Variants in TSPAN5 observed in about 807,000 individuals in gnomAD.
The protein encoded by TSPAN5 is tetraspanin 5.
A neutral mutation model predicts 37.1 loss-of-function variants in TSPAN5; 10 were observed. The ratio of observed to expected loss-of-function variants is 0.27; its 90% CI spans 0.17 to 0.46. The LOEUF (loss-of-function observed/expected upper bound fraction) is 0.46, where lower values mean the gene tolerates loss of function less well. Among genes scored for constraint, TSPAN5 ranks in the 20% least tolerant of loss-of-function variants. TSPAN5 has a pLI of 1.00. For synonymous variants in TSPAN5, 110 were observed against 118.9 expected (o/e 0.93, Z 0.48); for missense variants, 195 against 326.6 (o/e 0.60, Z 3.11).
At chr4:98,647,631 T>C (rs993629123) in intron 1 of TSPAN5, among the ~76,000 whole-genome samples, 2 of 152,142 alleles carry the variant, frequency 1.3e-5, no homozygotes, top group Admixed American at 6.5e-5. Context: ...GAACATCACT[T>C]TTCCCTTCCA....
At chr4:98,540,588 TC>T (rs1400896465) in intron 1 of TSPAN5, among the ~76,000 whole-genome samples, 2 of 152,190 alleles carry the variant, frequency 1.3e-5, no homozygotes, top group African/African-American at 4.8e-5. Context: ...TCTGCCTGCT[TC>T]AGCCTCCCAA....
intron 1 of TSPAN5, among the ~76,000 whole-genome samples, chr4:98,642,626 A>G (rs373993655): frequency 6.6e-4 from 100 of 152,236 alleles, no homozygotes; most frequent in African/African-American, 2.2e-3. Context: ...ACATATCTAC[A>G]GTCCCACACT....
At chr4:98,528,559 A>G (rs1754013129) in intron 1 of TSPAN5, among the ~76,000 whole-genome samples, 2 of 152,182 alleles carry the variant, frequency 1.3e-5, no homozygotes, top group Non-Finnish European at 1.5e-5. Flanking sequence ...CAAAACAGCA[A>G]AAAATCTAGA....
rs952306536 is a variant in TSPAN5 at position 98,589,867 on chromosome 4, G to C, written c.81+68279C>G. 7.2e-5 allele frequency among the ~76,000 whole-genome samples: 11 copies of C among 152,194 alleles called. 1 individual carries two copies. Among genetic ancestry groups the C allele is most frequent in the South Asian group, 6.2e-4 (3 of 4,814 alleles). ...GCATGGGAATGTCTCTGTGGAAGGTGGTGGGGTTTTTCTCCCCTTTTTCTC... is the reference window on the plus strand; with the variant it reads ...GCATGGGAATGTCTCTGTGGAAGGTCGTGGGGTTTTTCTCCCCTTTTTCTC... On this transcript the variant is annotated intron_variant, in intron 1 of 7. Transcript: ENST00000305798.
chr4:98,551,928 A>G (rs1036732350), intron 1 of TSPAN5, among the ~76,000 whole-genome samples: 17 of 152,072 alleles, frequency 1.1e-4, no homozygotes, highest in African/African-American at 2.9e-4. Context: ...TATTTCTTCA[A>G]TCTCAGGAGG....
At chr4:98,626,108 C>T (rs1168151080) in intron 1 of TSPAN5, among the ~76,000 whole-genome samples, 1 of 152,164 alleles carries the variant, frequency 6.6e-6, no homozygotes, top group South Asian at 2.1e-4. Flanking sequence ...CTGTTGACAA[C>T]ACAGGTGAGA....
intron 1 of TSPAN5, among the ~76,000 whole-genome samples, chr4:98,633,850 C>T (rs1015015840): frequency 1.3e-5 from 2 of 152,074 alleles, no homozygotes; most frequent in African/African-American, 2.4e-5. Context: ...GAGGCCGAGA[C>T]GGGAGGATCA....
intron 1 of TSPAN5, among the ~76,000 whole-genome samples, chr4:98,621,399 G>A (rs935607326): frequency 1.1e-4 from 14 of 128,758 alleles, no homozygotes; most frequent in African/African-American, 3.4e-4. Context: ...ACAGAGTCTC[G>A]CTCTGTCTCC....
At chr4:98,625,886 A>G (rs188871109) in intron 1 of TSPAN5, among the ~76,000 whole-genome samples, 39 of 152,344 alleles carry the variant, frequency 2.6e-4, no homozygotes, top group Admixed American at 1.4e-3. Flanking sequence ...TGTGCCAGGT[A>G]AGTTTTAAGA....
rs553052421 is a variant in TSPAN5, at chr4:98,638,203, C to T, written c.81+19943G>A. On this transcript the variant is annotated intron_variant, in intron 1 of 7. Transcript: ENST00000305798. ...TAACACTGGACCCTGTTGCTCCGCA[C>T]GCTCAAAAATCAAGCACTCCCATGT... is the stretch of plus-strand genomic sequence containing the variant. Among the ~76,000 whole-genome samples, 516 of 152,324 alleles carry T rather than the reference C, an allele frequency of 3.4e-3. 4 individuals carry two copies. The highest frequency in any genetic ancestry group is 9.8e-3 in the African/African-American group (408 of 41,572).
intron 1 of TSPAN5, among the ~76,000 whole-genome samples, chr4:98,644,787 A>G (rs17027886): frequency 0.094 from 14,268 of 152,216 alleles, 750 homozygotes; most frequent in Non-Finnish European, 0.11. Context: ...ACAATTTCCC[A>G]AAGCATTTTC....
intron 3 of TSPAN5, chr4:98,484,291 T>C (rs1752912940): frequency 2.7e-6 from 1 of 374,680 alleles, no homozygotes; most frequent in Admixed American, 3.6e-5. Context: ...TATTTCCATT[T>C]TGCAGTATCT....
intron 1 of TSPAN5, among the ~76,000 whole-genome samples, chr4:98,516,515 A>C (rs1753732313): frequency 6.6e-6 from 1 of 152,168 alleles, no homozygotes; most frequent in African/African-American, 2.4e-5. Context: ...ATTTTAAGTA[A>C]GCGCCTCTCA....
At chr4:98,624,450 T>G (rs1408383287) in intron 1 of TSPAN5, among the ~76,000 whole-genome samples, 1 of 152,168 alleles carries the variant, frequency 6.6e-6, no homozygotes, top group African/African-American at 2.4e-5. Flanking sequence ...CGTATTAACA[T>G]AAGTAACATT....
At chr4:98,625,202 C>A (rs1443294198) in intron 1 of TSPAN5, among the ~76,000 whole-genome samples, 1 of 152,106 alleles carries the variant, frequency 6.6e-6, no homozygotes, top group Non-Finnish European at 1.5e-5. Flanking sequence ...GTTTTTTATA[C>A]CCTTCTGCTC....
At chr4:98,497,612 C>T (rs1387107685) in intron 2 of TSPAN5, among the ~76,000 whole-genome samples, 1 of 152,218 alleles carries the variant, frequency 6.6e-6, no homozygotes, top group East Asian at 1.9e-4. Flanking sequence ...CGGCAGGTGA[C>T]CCTCTATTCT....
chr4:98,633,698 G>A (rs574503924), intron 1 of TSPAN5, among the ~76,000 whole-genome samples: 1 of 152,258 alleles, frequency 6.6e-6, no homozygotes, highest in Non-Finnish European at 1.5e-5. Context: ...GCAAAGACTG[G>A]ATCGTCATGA....
At chr4:98,554,248 A>C (rs1436489576) in intron 1 of TSPAN5, among the ~76,000 whole-genome samples, 3 of 152,112 alleles carry the variant, frequency 2.0e-5, no homozygotes, top group South Asian at 2.1e-4. Context: ...TGTTCTTCCA[A>C]CTCCTCAAAA....
chr4:98,527,459 T>A (rs1405644503), intron 1 of TSPAN5, among the ~76,000 whole-genome samples: 1 of 152,188 alleles, frequency 6.6e-6, no homozygotes, highest in Non-Finnish European at 1.5e-5. Context: ...CCTAAAAATA[T>A]TTCAGTGAAG....
Sources: gnomAD v4.1 joint callset for allele counts (sites outside exome capture counted in the v4.1 genomes callset) on GRCh38, gnomAD v4.1.1 for gene constraint, MANE v1.5 for transcripts, NCBI Gene and HGNC (gene_info 2026-07-23, HGNC 2026-07-21) for gene names.